The following ALG2 variants were observed in gnomAD, a reference collection of about 807,000 sequenced individuals.
The protein encoded by ALG2 is alpha-1,3/1,6-mannosyltransferase ALG2.
In ALG2, 32 loss-of-function variants were observed where a neutral mutation model predicts 30.5. The ratio of observed to expected loss-of-function variants is 1.05; its 90% confidence interval spans 0.79 to 1.41. The LOEUF (loss-of-function observed/expected upper bound fraction) is 1.41. Ranked by LOEUF, ALG2 falls within the 40% of genes most tolerant of loss-of-function variation. The pLI is 0.00. For synonymous variants in ALG2, 253 were observed against 224.8 expected (o/e 1.13, Z -1.12); for missense variants, 574 against 526.4 (o/e 1.09, Z -0.88).
In ALG2 at chr9:99,221,557, A is replaced by G. The variant is rs775003900; in HGVS notation, c.338T>C (p.Val113Ala). 1.9e-5 allele frequency: 29 copies of G among 1,544,026 alleles called. No homozygotes were observed. The highest frequency in any genetic ancestry group is 2.5e-5 in the Non-Finnish European group (29 of 1,146,214). The stretch of plus-strand genomic sequence containing the variant: ...CCGCGGCCGCCTCACCTGGTCGCAC[A>G]CTACCACGTCGAACTCCTCGTCGGC... ...FLADEEFDVV[V>A]CDQVSACIPV... The change falls in exon 1 of 2, where the codon GTG becomes GCG. Residue 113 changes from valine to alanine, a missense_variant. By Grantham distance (64) the Val-to-Ala change is moderately conservative. Coordinates refer to ENST00000476832, the MANE Select transcript of ALG2 (RefSeq NM_033087.4).
chr9:99,221,568 G>T lies in ALG2; in HGVS notation c.327C>A (p.Phe109Leu). ...LYVLFLADEE[F>L]DVVVCDQVSA... ...TCACCTGGTCGCACACTACCACGTC[G>T]AACTCCTCGTCGGCGAGGAACAGCA... Residue 109 changes from phenylalanine (F) to leucine (L), a missense_variant, in exon 1 of 2, where the codon TTC becomes TTA. Physicochemically the swap from Phe to Leu is conservative, Grantham distance 22. Transcript: ENST00000476832. The T allele has an allele frequency of 6.5e-7, 1 of 1,544,268 alleles. No individual in the cohort carries two copies. The highest frequency in any genetic ancestry group is 8.7e-7 in the Non-Finnish European group (1 of 1,146,178).
chr9:99,221,017 G>C, intron 1 of ALG2: 1 of 1,352,946 alleles, frequency 7.4e-7, no homozygotes, highest in African/African-American at 1.5e-5. Flanking sequence ...AAAACCAATG[G>C]GGAGCCATGT....
chr9:99,221,558 C>G lies in ALG2; in HGVS notation c.337G>C (p.Val113Leu), dbSNP rs780869371. ...CGCGGCCGCCTCACCTGGTCGCACA[C>G]TACCACGTCGAACTCCTCGTCGGCG... ...FLADEEFDVV[V>L]CDQVSACIPV... The change falls in exon 1 of 2, where the codon GTG becomes CTG. Residue 113 changes from valine to leucine, a missense_variant. By Grantham distance (32) the Val-to-Leu change is conservative. Transcript: ENST00000476832. The G allele has an allele frequency of 2.6e-6, 4 of 1,544,166 alleles. No homozygotes were observed. The highest frequency in any genetic ancestry group is 1.7e-4 in the Middle Eastern group (1 of 5,940).
chr9:99,219,787 A>C (rs111248068), intron 1 of ALG2, among the ~76,000 whole-genome samples: 5 of 152,250 alleles, frequency 3.3e-5, no homozygotes, highest in African/African-American at 9.6e-5. Context: ...GTAGATACGG[A>C]ACTTGAATCC....
At chr9:99,218,873 C>T (rs1357821015) in intron 1 of ALG2, 37 bp from the exon 2 acceptor site, 10 of 1,598,812 alleles carry the variant, frequency 6.3e-6, no homozygotes, top group African/African-American at 1.3e-5. Context: ...ATAAAGTGGT[C>T]AACTCAACTT....
Position 99,217,261 on chromosome 9 carries a change from A to T in ALG2, c.*673T>A. ...GTGACAATATTCTTGCTTCATTTCAATATCCACTTTACCCTAGTGTTCTGA... is the reference window on the plus strand; with the variant it reads ...GTGACAATATTCTTGCTTCATTTCATTATCCACTTTACCCTAGTGTTCTGA... On this transcript the variant is annotated 3_prime_UTR_variant, in exon 2 of 2. Coordinates refer to ENST00000476832, the MANE Select transcript of ALG2 (RefSeq NM_033087.4). 2.2e-6 allele frequency: 1 copy of T among 454,182 alleles called. No homozygotes were observed. The highest frequency in any genetic ancestry group is 4.4e-6 in the Non-Finnish European group (1 of 226,804). The allele number at this position is 454,182 out of a possible 1,614,324, so 28.1% of individuals were successfully genotyped here.
rs1828716444 is a variant in ALG2 at position 99,217,650 on chromosome 9, T to C, written c.*284A>G. On this transcript the variant is annotated 3_prime_UTR_variant, in exon 2 of 2. Coordinates refer to ENST00000476832, the MANE Select transcript of ALG2 (RefSeq NM_033087.4). Reference sequence around the variant, plus strand: ...TCAAAATTTATAGACAGAAGAGCAATAATCCCGAGAAAATATAATTAAAAT... The same window carrying C: ...TCAAAATTTATAGACAGAAGAGCAACAATCCCGAGAAAATATAATTAAAAT... 1 of 534,682 alleles carries C rather than the reference T, an allele frequency of 1.9e-6. No homozygotes were observed. Among genetic ancestry groups the C allele is most frequent in the African/African-American group, 1.9e-5 (1 of 53,104 alleles). 33.1% of individuals were successfully genotyped at this position (534,682 alleles called of 1,614,324 possible). A position where few individuals can be genotyped will look rare whatever the true frequency, so the allele number is the denominator to read the frequency against.
chr9:99,220,685 ATAG>A (rs1024660644), intron 1 of ALG2, among the ~76,000 whole-genome samples: 10 of 152,184 alleles, frequency 6.6e-5, no homozygotes, highest in Non-Finnish European at 1.2e-4. Context: ...AAGATGCCTA[ATAG>A]TAGGTATGTC....
At position 99,218,838 on chromosome 9, in the gene ALG2, T is replaced by C; in HGVS notation, c.349-2A>G. On this transcript the variant is annotated splice_acceptor_variant, in intron 1 of 1. Transcript: ENST00000476832. LOFTEE classifies it high-confidence loss of function. Reference sequence around the variant, plus strand: ...GAACACTGGGATACAGGCAGACACCTAGCCAAAGCAAAAATCAACAGCGGA... The same window carrying C: ...GAACACTGGGATACAGGCAGACACCCAGCCAAAGCAAAAATCAACAGCGGA... The C allele has an allele frequency of 1.2e-6, 2 of 1,602,328 alleles. No homozygotes were observed. Among genetic ancestry groups the C allele is most frequent in the East Asian group, 2.2e-5 (1 of 44,884 alleles).
rs1031361341 is a variant in ALG2 at position 99,217,917 on chromosome 9, T to A, written c.*17A>T. 16 of 1,613,406 alleles carry A rather than the reference T, an allele frequency of 9.9e-6. No individual in the cohort carries two copies. The highest frequency in any genetic ancestry group is 1.4e-5 in the Non-Finnish European group (16 of 1,179,302). On this transcript the variant is annotated 3_prime_UTR_variant, in exon 2 of 2. Coordinates refer to ENST00000476832, the MANE Select transcript of ALG2 (RefSeq NM_033087.4). ...TCCATAAAAATGACATTAATGGAGA[T>A]CTTAAAAACAATCTGATTATACCAG...
At chr9:99,218,885 A>T in intron 1 of ALG2, 49 bp from the exon 2 acceptor site, 1 of 1,596,182 alleles carries the variant, frequency 6.3e-7, no homozygotes, top group Non-Finnish European at 8.5e-7. Flanking sequence ...ACTCAACTTC[A>T]ACCAAACCAA....
chr9:99,221,112 CACAAGG>C (rs1331361201), intron 1 of ALG2: 1 of 1,364,388 alleles, frequency 7.3e-7, no homozygotes, highest in Admixed American at 1.9e-5. Flanking sequence ...TGGCTCCGAA[CACAAGG>C]ACAGTGGGAT....
chr9:99,217,676 A>G lies in ALG2; in HGVS notation c.*258T>C. The G allele has an allele frequency of 1.7e-6, 1 of 600,460 alleles. No individual in the cohort carries two copies. 37.2% of individuals were successfully genotyped at this position (600,460 alleles called of 1,614,324 possible). A position where few individuals can be genotyped will look rare whatever the true frequency, so the allele number is the denominator to read the frequency against. On this transcript the variant is annotated 3_prime_UTR_variant, in exon 2 of 2. Transcript: ENST00000476832. ...AATCCCGAGAAAATATAATTAAAAT[A>G]CTCTGCTGAACATGGAATGACACCA... is the stretch of plus-strand genomic sequence containing the variant.
chr9:99,221,904 G>A lies in ALG2; in HGVS notation c.-10C>T, dbSNP rs1488181650. The A allele has an allele frequency of 7.6e-6, 12 of 1,580,206 alleles. No individual in the cohort carries two copies. The highest frequency in any genetic ancestry group is 1.3e-5 in the African/African-American group (1 of 74,508). Reference sequence around the variant, plus strand: ...CCTGCTCCTCCGCCATGGCCCTGGAGCCGCAACTGCACCCCGCACCCTGAT... The same window carrying A: ...CCTGCTCCTCCGCCATGGCCCTGGAACCGCAACTGCACCCCGCACCCTGAT... On this transcript the variant is annotated 5_prime_UTR_variant, in exon 1 of 2. Coordinates refer to ENST00000476832, the MANE Select transcript of ALG2 (RefSeq NM_033087.4).
Position 99,218,391 on chromosome 9 carries a change from A to T in ALG2, c.794T>A (p.Ile265Asn). 1 of 1,614,198 alleles carries T rather than the reference A, an allele frequency of 6.2e-7. No individual in the cohort carries two copies. Among genetic ancestry groups the T allele is most frequent in the Non-Finnish European group, 8.5e-7 (1 of 1,180,032 alleles). Residue 265 changes from isoleucine to asparagine, a missense_variant, in exon 2 of 2, where the codon ATC (isoleucine) becomes AAC (asparagine). By Grantham distance (149) the Ile-to-Asn change is moderately radical. Transcript: ENST00000476832. ...TCTCTCGTCATAACCACCTGCCACG[A>T]TCAGATGAACCCTCTCCCAATCTTG... ...TSQDWERVHL[I>N]VAGGYDERVL...
rs1460807245 is a variant in ALG2, at chr9:99,218,831, A to C, written c.354T>G (p.Ser118=). Residue 118 remains serine, a synonymous_variant, in exon 2 of 2, where the codon TCT becomes TCG. Coordinates refer to ENST00000476832, the MANE Select transcript of ALG2 (RefSeq NM_033087.4). ...CCAGCCTGAACACTGGGATACAGGC[A>C]GACACCTAGCCAAAGCAAAAATCAA... ...EFDVVVCDQV[S]ACIPVFRLAR... is the part of the protein sequence containing the mutation. 1.2e-6 allele frequency: 2 copies of C among 1,603,328 alleles called. No homozygotes were observed. The highest frequency in any genetic ancestry group is 1.7e-6 in the Non-Finnish European group (2 of 1,179,958).
rs1464316415 is a variant in ALG2, at chr9:99,216,790, G to A, written c.*1144C>T. 2 of 453,990 alleles carry A rather than the reference G, an allele frequency of 4.4e-6. No homozygotes were observed. Among genetic ancestry groups the A allele is most frequent in the Admixed American group, 4.7e-5 (2 of 42,554 alleles). 28.1% of individuals were successfully genotyped at this position (453,990 alleles called of 1,614,324 possible). On this transcript the variant is annotated 3_prime_UTR_variant, in exon 2 of 2. Coordinates refer to ENST00000476832, the MANE Select transcript of ALG2 (RefSeq NM_033087.4). ...TCACTTTGCAGATGAAGAAGCTGAG[G>A]TATAGAGATCAATTTACACAAAATC...
intron 1 of ALG2, among the ~76,000 whole-genome samples, chr9:99,220,639 AAAATAAAT>A (rs142326977): frequency 3.9e-5 from 6 of 152,132 alleles, no homozygotes; most frequent in Non-Finnish European, 7.4e-5. Flanking sequence ...ACTCCGTTTC[AAAATAAAT>A]AAATAAATAA....
At chr9:99,220,934 G>A (rs1828786158) in intron 1 of ALG2, 2 of 1,329,486 alleles carry the variant, frequency 1.5e-6, no homozygotes, top group Non-Finnish European at 2.0e-6. Context: ...ACGAAGGAAA[G>A]AGTCAAGAAT....
Sources: allele counts gnomAD v4.1 joint callset (sites outside exome capture counted in the v4.1 genomes callset), GRCh38; gene constraint gnomAD v4.1.1; transcripts MANE v1.5; gene names NCBI Gene and HGNC (gene_info 2026-07-23, HGNC 2026-07-21).